The following SCAMP2 variants were observed in gnomAD, a reference collection of about 807,000 sequenced individuals.
SCAMP2 encodes the protein secretory carrier membrane protein 2, also known as secretory carrier-associated membrane protein 2.
In SCAMP2, 25 loss-of-function variants were observed where a neutral mutation model predicts 44.1. The ratio of observed to expected loss-of-function variants is 0.57; its 90% CI spans 0.41 to 0.79. SCAMP2 has a LOEUF of 0.79. Among genes scored for constraint, SCAMP2 ranks in the 30% least tolerant of loss-of-function variants. SCAMP2 has a pLI of 0.00. For missense variants in SCAMP2, 355 were observed against 411.0 expected (o/e 0.86, Z 1.18); for synonymous variants, 156 against 166.0 (o/e 0.94, Z 0.46).
At chr15:74,861,900 C>CAAA (rs71140103) in intron 1 of SCAMP2, among the ~76,000 whole-genome samples, 4 of 44,266 alleles carry the variant, frequency 9.0e-5, no homozygotes, top group African/African-American at 1.5e-4. Flanking sequence ...GACTCTGTCT[C>CAAA]AAAAAAAAAA....
At chr15:74,848,069 CTTTT>C (rs77348114) in intron 7 of SCAMP2, among the ~76,000 whole-genome samples, 6 of 140,184 alleles carry the variant, frequency 4.3e-5, no homozygotes, top group Admixed American at 1.4e-4. Flanking sequence ...AAGATAGTGT[CTTTT>C]TTTTTTTTTT....
Position 74,845,015 on chromosome 15 carries a change from G to T in SCAMP2, c.*68C>A, listed in dbSNP as rs1299080170. 23 of 1,547,354 alleles carry T rather than the reference G, an allele frequency of 1.5e-5. No homozygotes were observed. Among genetic ancestry groups the T allele is most frequent in the Non-Finnish European group, 2.0e-5 (23 of 1,136,012 alleles). ...CTGGGCACAACCACCACCACATAAG[G>T]CACCCACGGAAAGTGCAGCTCAGAA... On this transcript the variant is annotated 3_prime_UTR_variant, in exon 9 of 9. Coordinates refer to ENST00000268099, the MANE Select transcript of SCAMP2 (RefSeq NM_005697.5).
At position 74,848,644 on chromosome 15, in the gene SCAMP2, C is replaced by A. The variant is rs1449208924; in HGVS notation, c.690G>T (p.Gly230=). 7.4e-6 allele frequency: 12 copies of A among 1,613,626 alleles called. No individual in the cohort carries two copies. The highest frequency in any genetic ancestry group is 9.3e-6 in the Non-Finnish European group (11 of 1,179,776). Residue 230 remains glycine (G), a synonymous_variant, in exon 7 of 9, where the codon GGG becomes GGT. Coordinates refer to ENST00000268099, the MANE Select transcript of SCAMP2 (RefSeq NM_005697.5). ...VFFFVFFCQI[G]IYIIQLVGIP... ...TGCCAACCAACTGGATGATGTAGAT[C>A]CCTATTTGACAAAAAAATACAAAGA...
At chr15:74,867,580 G>A (rs148711188) in intron 1 of SCAMP2, among the ~76,000 whole-genome samples, 1 of 152,194 alleles carries the variant, frequency 6.6e-6, no homozygotes, top group Non-Finnish European at 1.5e-5. Flanking sequence ...GTTATTCCAA[G>A]AATTCCCAAA....
In SCAMP2 at chr15:74,865,074, CAAAAAAAAAAA is replaced by C. The variant is rs36079981; in HGVS notation, c.57+8114_57+8124del. ...ACTGCACTCCACCCTGACTCTATCT[CAAAAAAAAAAA>C]AAAAAAAAAAAAAGGCCAGGCACAG... On this transcript the variant is annotated intron_variant, in intron 1 of 8. Coordinates refer to ENST00000268099, the MANE Select transcript of SCAMP2 (RefSeq NM_005697.5). Among the ~76,000 whole-genome samples, 5 of 32,816 alleles carry C rather than the reference CAAAAAAAAAAA, an allele frequency of 1.5e-4. No individual in the cohort carries two copies. In the South Asian group the frequency reaches 4.4e-3, roughly 29 times the overall value. The allele number at this position is 32,816 out of a possible 152,430, so 21.5% of individuals were successfully genotyped here.
chr15:74,867,074 C>T (rs1017660857), intron 1 of SCAMP2, among the ~76,000 whole-genome samples: 2 of 152,206 alleles, frequency 1.3e-5, no homozygotes, highest in African/African-American at 2.4e-5. Flanking sequence ...GGATTACAGG[C>T]GTGAGCCACT....
At position 74,849,576 on chromosome 15, in the gene SCAMP2, G is replaced by A. The variant is rs535447455; in HGVS notation, c.633-875C>T. 7.2e-5 allele frequency among the ~76,000 whole-genome samples: 11 copies of A among 151,916 alleles called. No individual in the cohort carries two copies. The South Asian group carries it at 1.0e-3, about 14-fold the overall frequency. The stretch of plus-strand genomic sequence containing the variant: ...CTGGCCAACATGGGGAAACCCCATC[G>A]CTACTAAAAATACAAAAATTAGCCA... On this transcript the variant is annotated intron_variant, in intron 6 of 8. Coordinates refer to ENST00000268099, the MANE Select transcript of SCAMP2 (RefSeq NM_005697.5).
rs533454332 is a variant in SCAMP2, at chr15:74,843,804, A to G, written c.*1279T>C. The G allele has an allele frequency of 1.4e-4, 22 of 152,242 alleles. No homozygotes were observed. The East Asian group carries it at 3.7e-3, about 25-fold the overall frequency. The allele number at this position is 152,242 out of a possible 1,614,324, so 9.4% of individuals were successfully genotyped here. A position where few individuals can be genotyped will look rare whatever the true frequency, so the allele number is the denominator to read the frequency against. On this transcript the variant is annotated 3_prime_UTR_variant, in exon 9 of 9. Transcript: ENST00000268099. Reference sequence around the variant, plus strand: ...ACATATACATTTGTACATAGAGGGGAAAAAATACCAGAAAGGAGTTCATAA... The same window carrying G: ...ACATATACATTTGTACATAGAGGGGGAAAAATACCAGAAAGGAGTTCATAA...
intron 1 of SCAMP2, among the ~76,000 whole-genome samples, chr15:74,859,702 C>CA (rs2064490584): frequency 6.6e-6 from 1 of 150,930 alleles, no homozygotes; most frequent in Non-Finnish European, 1.5e-5. Flanking sequence ...CTACAATCTC[C>CA]ACCTCCCAGG....
intron 1 of SCAMP2, among the ~76,000 whole-genome samples, chr15:74,866,022 G>GGAAGGAAGGAAGGAAA (rs2064541420): frequency 9.3e-6 from 1 of 107,578 alleles, no homozygotes; most frequent in African/African-American, 4.6e-5. Flanking sequence ...AAGGAAAGGA[G>GGAAGGAAGGAAGGAAA]GGAGGGAGGG....
In SCAMP2 at chr15:74,852,057, A is replaced by G. The variant is rs1190382396; in HGVS notation, c.343+12T>C. 4 of 1,549,928 alleles carry G rather than the reference A, an allele frequency of 2.6e-6. No homozygotes were observed. The highest frequency in any genetic ancestry group is 8.7e-7 in the Non-Finnish European group (1 of 1,145,110). ...AGGCAGGGCAGCCCCAGGCCCCAGC[A>G]GCCTCCCTTACCATGCAAGTTGGCT... On this transcript the variant is annotated intron_variant, in intron 4 of 8. Transcript: ENST00000268099.
intron 7 of SCAMP2, among the ~76,000 whole-genome samples, chr15:74,847,013 G>C (rs76840349): frequency 0.022 from 3,352 of 150,262 alleles, 129 homozygotes; most frequent in African/African-American, 0.079. Flanking sequence ...CATAAACATA[G>C]ACATATAGAT....
chr15:74,866,132 G>A (rs971530173), intron 1 of SCAMP2, among the ~76,000 whole-genome samples: 1 of 151,726 alleles, frequency 6.6e-6, no homozygotes, highest in Non-Finnish European at 1.5e-5. Context: ...AAGAACTCTG[G>A]AATACTCCTA....
chr15:74,846,402 C>T (rs931720075), intron 7 of SCAMP2, among the ~76,000 whole-genome samples: 8 of 148,938 alleles, frequency 5.4e-5, no homozygotes, highest in East Asian at 4.0e-4. Flanking sequence ...GCTGTGATCA[C>T]GCCACGGCAC....
chr15:74,858,541 A>G (rs562796057), intron 1 of SCAMP2, among the ~76,000 whole-genome samples: 92 of 152,216 alleles, frequency 6.0e-4, no homozygotes, highest in Non-Finnish European at 8.8e-4. Context: ...TGCAGCTGGA[A>G]AAGCTCAAGC....
At chr15:74,865,395 GAAAAGAAAAGAA>G (rs1308791780) in intron 1 of SCAMP2, among the ~76,000 whole-genome samples, 3 of 128,062 alleles carry the variant, frequency 2.3e-5, no homozygotes, top group African/African-American at 8.3e-5. Context: ...AAAAAAAAAA[GAAAAGAAAAGAA>G]AAAAGAAAGA....
At chr15:74,845,400 C>T (rs1426627834) in intron 8 of SCAMP2, 73 bp downstream of exon 8, 8 of 1,611,180 alleles carry the variant, frequency 5.0e-6, no homozygotes, top group Non-Finnish European at 6.8e-6. Context: ...TGGTGAAAAA[C>T]ATCTCGTGGC....
intron 1 of SCAMP2, among the ~76,000 whole-genome samples, chr15:74,861,201 T>A (rs544832124): frequency 1.3e-5 from 2 of 152,106 alleles, no homozygotes; most frequent in East Asian, 3.9e-4. Context: ...TAAATAAATT[T>A]TAAAACATTA....
At chr15:74,858,411 G>A (rs2064480654) in intron 1 of SCAMP2, among the ~76,000 whole-genome samples, 1 of 152,144 alleles carries the variant, frequency 6.6e-6, no homozygotes. Context: ...AGCTGAGAGA[G>A]TCACTCCAAT....
Sources: allele counts gnomAD v4.1 joint callset (sites outside exome capture counted in the v4.1 genomes callset), GRCh38; gene constraint gnomAD v4.1.1; transcripts MANE v1.5; gene names NCBI Gene and HGNC (gene_info 2026-07-23, HGNC 2026-07-21).